Variants in CSMD2 observed in about 807,000 individuals in gnomAD.
CSMD2 encodes CUB and Sushi multiple domains 2.
A neutral mutation model predicts 398.5 loss-of-function variants in CSMD2; 130 were observed. The ratio of observed to expected loss-of-function variants is 0.33; its 90% CI spans 0.28 to 0.38. The LOEUF is 0.38. Ranked by LOEUF, CSMD2 falls within the 10% of genes least tolerant of loss-of-function variation. The probability of loss-of-function intolerance (pLI) is 1.00; values close to 1 mark genes in which losing one functional copy is unlikely to be tolerated. For missense variants in CSMD2, 3,829 were observed against 4,764.9 expected, an observed-to-expected ratio of 0.80 and a Z score of 5.78; for synonymous variants, 1,828 against 1,908.5, an observed-to-expected ratio of 0.96 and a Z score of 1.10.
intron 1 of CSMD2, among the ~76,000 whole-genome samples, chr1:34,096,101 T>C (rs1659265300): frequency 6.6e-6 from 1 of 151,952 alleles, no homozygotes; most frequent in Admixed American, 6.6e-5. Context: ...CAAGGCTGGT[T>C]CAATATACGC....
intron 3 of CSMD2, among the ~76,000 whole-genome samples, chr1:34,009,746 C>T (rs374986394): frequency 1.3e-5 from 2 of 152,102 alleles, no homozygotes; most frequent in African/African-American, 4.8e-5. Context: ...ACATTCTGCA[C>T]ATTCCTTTGC....
Position 33,844,688 on chromosome 1 carries a change from A to C in CSMD2, c.1033+2196T>G, listed in dbSNP as rs142015054. ...CCTGAGCCAGCTAGTTACCCTCTCT[A>C]TGACTCTCGTTCCTCAACTGTAAAA... On this transcript the variant is annotated intron_variant, in intron 6 of 70. Transcript: ENST00000373381. Among the ~76,000 whole-genome samples the C allele has an allele frequency of 3.3e-4, 50 of 152,302 alleles. No individual in the cohort carries two copies. The Middle Eastern group carries it at 0.01, about 31-fold the overall frequency.
intron 37 of CSMD2, 35 bp downstream of exon 37, chr1:33,622,132 T>G: frequency 6.5e-7 from 1 of 1,531,592 alleles, no homozygotes; most frequent in Non-Finnish European, 9.1e-7. Context: ...GGTCCCACCC[T>G]GAACCCTGTA....
chr1:33,589,069 C>A (rs760315448), intron 44 of CSMD2, among the ~76,000 whole-genome samples: 1 of 152,290 alleles, frequency 6.6e-6, no homozygotes, highest in Non-Finnish European at 1.5e-5. Context: ...TAGACGCACT[C>A]GCTGAAATGT....
chr1:33,522,237 G>A (rs549313317), intron 67 of CSMD2, among the ~76,000 whole-genome samples: 1 of 152,260 alleles, frequency 6.6e-6, no homozygotes, highest in African/African-American at 2.4e-5. Flanking sequence ...TCTGCCCTCC[G>A]CAGCTGTCCC....
chr1:33,822,577 C>T (rs1658281953), intron 7 of CSMD2, among the ~76,000 whole-genome samples: 1 of 152,158 alleles, frequency 6.6e-6, no homozygotes, highest in African/African-American at 2.4e-5. Flanking sequence ...CCTTCCTTGC[C>T]AAGCCTTTAC....
At chr1:33,854,233 G>T (rs1638913395) in intron 5 of CSMD2, among the ~76,000 whole-genome samples, 1 of 152,194 alleles carries the variant, frequency 6.6e-6, no homozygotes, top group South Asian at 2.1e-4. Context: ...CTCTCACCAT[G>T]CATTGCTGAA....
In CSMD2 at chr1:34,016,038, T is replaced by A. The variant is rs985776964; in HGVS notation, c.517+16556A>T. ...CTGTGTGTGTGTGTGTGTGTGTGTG[T>A]GTGTGTATGTGTGTATTTAGTTTAT... is the stretch of plus-strand genomic sequence containing the variant. On this transcript the variant is annotated intron_variant, in intron 3 of 70. Coordinates refer to ENST00000373381, the MANE Select transcript of CSMD2 (RefSeq NM_001281956.2). 1.6e-4 allele frequency among the ~76,000 whole-genome samples: 25 copies of A among 151,984 alleles called. 2 individuals are homozygous for A. Among genetic ancestry groups the A allele is most frequent in the Non-Finnish European group, 4.4e-5 (3 of 67,994 alleles).
chr1:33,964,502 G>C (rs142804629), intron 3 of CSMD2, among the ~76,000 whole-genome samples: 10 of 152,354 alleles, frequency 6.6e-5, no homozygotes, highest in African/African-American at 2.4e-4. Flanking sequence ...TAGGACAAGG[G>C]CAGAGGTTCT....
rs1308881605 is a variant in CSMD2 at position 33,819,850 on chromosome 1, G to A, written c.1200-13C>T. Reference sequence around the variant, plus strand: ...GCTGGATCCTAACCTGGGAGACAAAGTGTGTCTGTGAGCTCCATCCCTGGG... The same window carrying A: ...GCTGGATCCTAACCTGGGAGACAAAATGTGTCTGTGAGCTCCATCCCTGGG... On this transcript the variant is annotated splice_polypyrimidine_tract_variant and intron_variant, in intron 8 of 70. Coordinates refer to ENST00000373381, the MANE Select transcript of CSMD2 (RefSeq NM_001281956.2). 1 of 1,613,722 alleles carries A rather than the reference G, an allele frequency of 6.2e-7. No individual in the cohort carries two copies. The highest frequency in any genetic ancestry group is 8.5e-7 in the Non-Finnish European group (1 of 1,179,852).
intron 62 of CSMD2, among the ~76,000 whole-genome samples, chr1:33,536,101 A>G (rs1166920318): frequency 1.3e-5 from 2 of 152,214 alleles, no homozygotes; most frequent in South Asian, 2.1e-4. Flanking sequence ...GACTAAGTGA[A>G]TAAGTCACAT....
intron 6 of CSMD2, among the ~76,000 whole-genome samples, chr1:33,829,707 T>C (rs985677534): frequency 6.6e-6 from 1 of 152,166 alleles, no homozygotes; most frequent in Admixed American, 6.5e-5. Flanking sequence ...GGGTGAGGCA[T>C]TGCCTCACTC....
chr1:34,094,323 A>G (rs1468628405), intron 1 of CSMD2, among the ~76,000 whole-genome samples: 12 of 152,212 alleles, frequency 7.9e-5, no homozygotes, highest in Admixed American at 5.9e-4. Flanking sequence ...TGTAACGACC[A>G]TCGAGACTAG....
intron 4 of CSMD2, among the ~76,000 whole-genome samples, chr1:33,928,753 G>C (rs1422955715): frequency 6.6e-6 from 1 of 152,220 alleles, no homozygotes; most frequent in African/African-American, 2.4e-5. Context: ...GCCTTGGGTA[G>C]CTGTGGTCGC....
chr1:33,792,422 C>T lies in CSMD2; in HGVS notation c.1550+1G>A, dbSNP rs1241113361. ...CAAACAACATGCCCCACTGCACTTA[C>T]ATGTAGAGAACTGTCTTCTGGTCCC... On this transcript the variant is annotated splice_donor_variant, in intron 11 of 70. Transcript: ENST00000373381. LOFTEE classifies it high-confidence loss of function. 1 of 1,610,252 alleles carries T rather than the reference C, an allele frequency of 6.2e-7. No individual in the cohort carries two copies. The highest frequency in any genetic ancestry group is 8.5e-7 in the Non-Finnish European group (1 of 1,176,600).
rs1430691222 is a variant in CSMD2, at chr1:34,164,541, G to A, written c.187+370C>T. Among the ~76,000 whole-genome samples the A allele has an allele frequency of 6.6e-6, 1 of 152,098 alleles. No individual in the cohort carries two copies. The highest frequency in any genetic ancestry group is 1.5e-5 in the Non-Finnish European group (1 of 68,022). On this transcript the variant is annotated intron_variant, in intron 1 of 70. Coordinates refer to ENST00000373381, the MANE Select transcript of CSMD2 (RefSeq NM_001281956.2). The surrounding 1 kb of genome is among the most constrained non-coding windows in gnomAD (Gnocchi z 6.2). ...CAGGAGCCGGGGGAGTAGGGCTCCCGGAAAGTTTATCGGGAAAAAGCCTAG... is the reference window on the plus strand; with the variant it reads ...CAGGAGCCGGGGGAGTAGGGCTCCCAGAAAGTTTATCGGGAAAAAGCCTAG...
Position 33,537,392 on chromosome 1 carries a change from C to T in CSMD2, c.9805+44G>A, listed in dbSNP as rs200307431. On this transcript the variant is annotated intron_variant, in intron 61 of 70. Transcript: ENST00000373381. This position sits in a 1 kb window ranked among gnomAD's most constrained non-coding sequence, Gnocchi z 4.6. ...ATCTCAGGCCCAAAAGAAGGTCTCCCGCAACCCCAGCCAAGACGCTCCCTG... is the reference window on the plus strand; with the variant it reads ...ATCTCAGGCCCAAAAGAAGGTCTCCTGCAACCCCAGCCAAGACGCTCCCTG... 2.9e-5 allele frequency: 46 copies of T among 1,569,608 alleles called. No homozygotes were observed. Among genetic ancestry groups the T allele is most frequent in the African/African-American group, 2.7e-4 (20 of 73,690 alleles).
chr1:33,796,835 A>G (rs1557909083), intron 10 of CSMD2, among the ~76,000 whole-genome samples: 1 of 152,198 alleles, frequency 6.6e-6, no homozygotes, highest in East Asian at 1.9e-4. Context: ...AGGAATATTA[A>G]TAATTAAGAC....
chr1:33,552,469 A>G (rs1427018101), intron 55 of CSMD2, among the ~76,000 whole-genome samples: 2 of 152,272 alleles, frequency 1.3e-5, no homozygotes, highest in Non-Finnish European at 2.9e-5. Context: ...TCAAACCAGC[A>G]TAATTCATAA....
Sources: allele counts gnomAD v4.1 joint callset (sites outside exome capture counted in the v4.1 genomes callset), GRCh38; gene constraint gnomAD v4.1.1; non-coding constraint Gnocchi (gnomAD v3.1); transcripts MANE v1.5; gene names NCBI Gene and HGNC (gene_info 2026-07-23, HGNC 2026-07-21).